NRG1: variants seen among roughly 807,000 people sequenced by gnomAD.
The protein encoded by NRG1 is neuregulin 1, also known as pro-neuregulin-1, membrane-bound isoform.
A neutral mutation model predicts 63.8 loss-of-function variants in NRG1; 18 were observed. The observed-to-expected ratio is 0.28, with a 90% CI of 0.19 to 0.42. The LOEUF is 0.42. Ranked by LOEUF, NRG1 falls within the 10% of genes least tolerant of loss-of-function variation. NRG1 has a pLI of 1.00. For synonymous variants in NRG1, 302 were observed against 301.3 expected (o/e 1.00, Z -0.02); for missense variants, 762 against 814.7 (o/e 0.94, Z 0.79).
intron 1 of NRG1, among the ~76,000 whole-genome samples, chr8:32,423,632 C>T (rs537092976): frequency 4.6e-5 from 7 of 152,066 alleles, no homozygotes; most frequent in Non-Finnish European, 1.0e-4. Context: ...GGCCACAAAG[C>T]AAGACCTTGT....
intron 1 of NRG1, among the ~76,000 whole-genome samples, chr8:32,034,931 G>C (rs551584123): frequency 4.4e-4 from 65 of 149,182 alleles, no homozygotes; most frequent in Non-Finnish European, 8.3e-4. Context: ...AAGGTTTTTT[G>C]TGTCTTTATT....
At chr8:31,906,491 C>A (rs1832532087) in intron 1 of NRG1, among the ~76,000 whole-genome samples, 1 of 152,186 alleles carries the variant, frequency 6.6e-6, no homozygotes, top group South Asian at 2.1e-4. Context: ...CCCGATTTTG[C>A]AGCCTGCCAT....
chr8:32,198,500 A>G (rs1843187957), intron 1 of NRG1, among the ~76,000 whole-genome samples: 1 of 152,198 alleles, frequency 6.6e-6, no homozygotes, highest in African/African-American at 2.4e-5. Context: ...TTTCTAATCC[A>G]GATAACTAAG....
intron 1 of NRG1, among the ~76,000 whole-genome samples, chr8:32,360,632 T>G (rs142583367): frequency 1.3e-5 from 2 of 152,212 alleles, no homozygotes; most frequent in South Asian, 4.1e-4. Flanking sequence ...TAATTTGTAT[T>G]TATAATTTTG....
intron 1 of NRG1, among the ~76,000 whole-genome samples, chr8:32,542,573 T>A (rs1263612497): frequency 6.6e-6 from 1 of 152,094 alleles, no homozygotes; most frequent in Admixed American, 6.6e-5. Flanking sequence ...AGTGTGGTGG[T>A]TGTGGGAAAA....
At chr8:32,292,571 G>GCT (rs1854329861) in intron 1 of NRG1, among the ~76,000 whole-genome samples, 3 of 151,692 alleles carry the variant, frequency 2.0e-5, no homozygotes, top group African/African-American at 4.8e-5. Flanking sequence ...TTTCTCTCTT[G>GCT]CTCTCTCTCT....
intron 5 of NRG1, among the ~76,000 whole-genome samples, chr8:32,690,024 G>A (rs1030172648): frequency 2.6e-5 from 4 of 152,252 alleles, no homozygotes; most frequent in Middle Eastern, 6.8e-3. Flanking sequence ...TTTAGGGAAA[G>A]CATTCTAGAA....
chr8:31,792,915 G>A (rs894599273), intron 1 of NRG1, among the ~76,000 whole-genome samples: 1 of 152,176 alleles, frequency 6.6e-6, no homozygotes, highest in Non-Finnish European at 1.5e-5. Context: ...TGTTGAGCAA[G>A]GAGTCTTTAA....
Position 32,011,829 on chromosome 8 carries a change from GA to G in NRG1, c.37+372399del, listed in dbSNP as rs751197723. On this transcript the variant is annotated intron_variant, in intron 1 of 10. Coordinates refer to the NRG1 transcript ENST00000519301. ...ACTGAACCTCTAAAAGATATTAAAC[GA>G]GACTTTTTCACTATTTTATTCATAG... Among the ~76,000 whole-genome samples the G allele has an allele frequency of 3.9e-5, 6 of 152,196 alleles. No individual in the cohort carries two copies. In the East Asian group the frequency reaches 9.7e-4, roughly 25 times the overall value.
At chr8:31,727,781 G>T (rs1206246637) in intron 1 of NRG1, among the ~76,000 whole-genome samples, 1 of 152,046 alleles carries the variant, frequency 6.6e-6, no homozygotes, top group Non-Finnish European at 1.5e-5. Context: ...CTATGATAAA[G>T]TTTAATTTAT....
chr8:32,049,478 T>A (rs556846560), intron 1 of NRG1, among the ~76,000 whole-genome samples: 1 of 152,260 alleles, frequency 6.6e-6, no homozygotes, highest in Admixed American at 6.5e-5. Flanking sequence ...TGATAAGGTG[T>A]CACAGATTTA....
intron 1 of NRG1, among the ~76,000 whole-genome samples, chr8:31,691,993 C>T (rs980258224): frequency 1.3e-5 from 2 of 152,062 alleles, no homozygotes; most frequent in Non-Finnish European, 2.9e-5. Flanking sequence ...CTACCACACT[C>T]AGCTAATTTA....
chr8:32,300,790 A>G (rs534663017), intron 1 of NRG1, among the ~76,000 whole-genome samples: 2 of 152,338 alleles, frequency 1.3e-5, no homozygotes, highest in South Asian at 4.1e-4. Flanking sequence ...GTTGACAGCC[A>G]GTATATGTTG....
At chr8:32,091,689 G>A (rs1028663009) in intron 1 of NRG1, among the ~76,000 whole-genome samples, 2 of 152,082 alleles carry the variant, frequency 1.3e-5, no homozygotes, top group African/African-American at 4.8e-5. Flanking sequence ...GGAGAGGATT[G>A]ACCAACTGAT....
chr8:32,589,007 T>C (rs1842088773), intron 1 of NRG1, among the ~76,000 whole-genome samples: 1 of 152,202 alleles, frequency 6.6e-6, no homozygotes, highest in Admixed American at 6.5e-5. Flanking sequence ...CAACAAATAA[T>C]GATCTTGTTG....
intron 1 of NRG1, among the ~76,000 whole-genome samples, chr8:32,371,991 C>CTTT (rs1289943893): frequency 3.1e-5 from 2 of 64,100 alleles, no homozygotes; most frequent in African/African-American, 1.1e-4. Context: ...TCTTCTTCTT[C>CTTT]ATTTTTTTTT....
chr8:32,159,993 T>A (rs1051117901), intron 1 of NRG1, among the ~76,000 whole-genome samples: 4 of 152,132 alleles, frequency 2.6e-5, no homozygotes, highest in African/African-American at 9.7e-5. Flanking sequence ...CTAAGAAGGA[T>A]CTTGGGGAAA....
chr8:31,805,827 C>CAAAAAA (rs58107730), intron 1 of NRG1, among the ~76,000 whole-genome samples: 3 of 105,324 alleles, frequency 2.8e-5, no homozygotes, highest in South Asian at 3.3e-4. Flanking sequence ...GACTCCGTCT[C>CAAAAAA]AAAAAAAAAA....
intron 1 of NRG1, among the ~76,000 whole-genome samples, chr8:32,136,104 T>C (rs1835485424): frequency 6.6e-6 from 1 of 152,118 alleles, no homozygotes; most frequent in Non-Finnish European, 1.5e-5. Context: ...TCACTAACTC[T>C]CTTGGTTCAG....
Sources: gnomAD v4.1 joint callset for allele counts (sites outside exome capture counted in the v4.1 genomes callset) on GRCh38, gnomAD v4.1.1 for gene constraint, MANE v1.5 for transcripts, NCBI Gene and HGNC (gene_info 2026-07-23, HGNC 2026-07-21) for gene names.